Variants in MACROD2 observed in about 807,000 individuals in gnomAD.
MACROD2 encodes the protein mono-ADP ribosylhydrolase 2.
In MACROD2, 36 loss-of-function variants were observed where a neutral mutation model predicts 70.4. The observed-to-expected ratio is 0.51, with a 90% CI of 0.39 to 0.68. The LOEUF (loss-of-function observed/expected upper bound fraction) is 0.68. Ranked by LOEUF, MACROD2 falls within the 30% of genes least tolerant of loss-of-function variation. The pLI is 0.00. For missense variants in MACROD2, 496 were observed against 538.4 expected (o/e 0.92, Z 0.78); for synonymous variants, 172 against 178.8 (o/e 0.96, Z 0.30).
chr20:15,975,689 A>G (rs974530208), intron 13 of MACROD2, among the ~76,000 whole-genome samples: 2 of 152,212 alleles, frequency 1.3e-5, no homozygotes, highest in African/African-American at 4.8e-5. Context: ...TACAAGAGAA[A>G]TATGACAACT....
intron 8 of MACROD2, among the ~76,000 whole-genome samples, chr20:15,579,223 A>G (rs930950734): frequency 6.6e-6 from 1 of 152,176 alleles, no homozygotes. Flanking sequence ...CTGCTTTGAA[A>G]TGAGTTATTG....
intron 6 of MACROD2, among the ~76,000 whole-genome samples, chr20:15,265,756 T>C (rs1026484400): frequency 6.6e-6 from 1 of 152,222 alleles, no homozygotes; most frequent in African/African-American, 2.4e-5. Flanking sequence ...CACACAGATA[T>C]TGCTCTGTTT....
At position 15,264,710 on chromosome 20, in the gene MACROD2, A is replaced by ATACTTTTAGTATCTCCTCT. The variant is rs571254797; in HGVS notation, c.540+34649_540+34650insTACTTTTAGTATCTCCTCT. Among the ~76,000 whole-genome samples, 1,069 of 152,084 alleles carry ATACTTTTAGTATCTCCTCT rather than the reference A, an allele frequency of 7.0e-3. 6 individuals carry two copies. Among genetic ancestry groups the ATACTTTTAGTATCTCCTCT allele is most frequent in the Non-Finnish European group, 7.4e-3 (503 of 67,966 alleles). On this transcript the variant is annotated intron_variant, in intron 6 of 17. Coordinates refer to ENST00000684519, the MANE Select transcript of MACROD2 (RefSeq NM_001351661.2). ...TGAGCACAGTATCCTGGGCATGGAG[A>ATACTTTTAGTATCTCCTCT]CCTTTTAGTCTCCTCTCCTGCCACA... is the stretch of plus-strand genomic sequence containing the variant.
intron 5 of MACROD2, among the ~76,000 whole-genome samples, chr20:14,906,623 T>A (rs538327016): frequency 1.3e-5 from 2 of 152,316 alleles, no homozygotes; most frequent in South Asian, 4.1e-4. Flanking sequence ...ACTAAGACAA[T>A]TAAATTTTTT....
chr20:14,265,508 A>AT (rs953524424), intron 3 of MACROD2, among the ~76,000 whole-genome samples: 1 of 151,786 alleles, frequency 6.6e-6, no homozygotes, highest in Admixed American at 6.6e-5. Context: ...TTTTTTTCAC[A>AT]TTTTTTACAA....
chr20:15,640,310 G>A (rs1182379322), intron 8 of MACROD2, among the ~76,000 whole-genome samples: 1 of 152,124 alleles, frequency 6.6e-6, no homozygotes, highest in Non-Finnish European at 1.5e-5. Context: ...GATAGAGAGA[G>A]AAGTGGATAG....
intron 6 of MACROD2, among the ~76,000 whole-genome samples, chr20:15,286,850 C>T (rs1423068367): frequency 6.6e-6 from 1 of 151,972 alleles, no homozygotes; most frequent in Non-Finnish European, 1.5e-5. Context: ...TTATATTTTT[C>T]TTGGTAAATT....
intron 2 of MACROD2, among the ~76,000 whole-genome samples, chr20:14,014,505 A>G (rs373961646): frequency 6.8e-4 from 104 of 152,334 alleles, no homozygotes; most frequent in African/African-American, 2.4e-3. Flanking sequence ...ATGAAAACCT[A>G]TGAAGATTTT....
rs545915377 is a variant in MACROD2 at position 16,032,532 on chromosome 20, G to T, written c.1154-8669G>T. On this transcript the variant is annotated intron_variant, in intron 15 of 17. Coordinates refer to ENST00000684519, the MANE Select transcript of MACROD2 (RefSeq NM_001351661.2). Reference sequence around the variant, plus strand: ...TCAAGGAAGAAAGGAAGAAAGAGGGGAGGGAAGGAGAAAGAAGGGAGGCAG... The same window carrying T: ...TCAAGGAAGAAAGGAAGAAAGAGGGTAGGGAAGGAGAAAGAAGGGAGGCAG... 2.6e-5 allele frequency among the ~76,000 whole-genome samples: 4 copies of T among 151,792 alleles called. No homozygotes were observed. The East Asian group carries it at 7.8e-4, about 29-fold the overall frequency.
chr20:15,581,777 G>A (rs560914695), intron 8 of MACROD2, among the ~76,000 whole-genome samples: 1 of 152,338 alleles, frequency 6.6e-6, no homozygotes, highest in South Asian at 2.1e-4. Context: ...CAGCTCTGCA[G>A]TTGCTGAGCT....
At chr20:15,535,716 C>T (rs986605156) in intron 8 of MACROD2, among the ~76,000 whole-genome samples, 17 of 152,134 alleles carry the variant, frequency 1.1e-4, no homozygotes, top group African/African-American at 2.4e-4. Flanking sequence ...TTTCCAATCC[C>T]GCGTCTCCCA....
intron 7 of MACROD2, among the ~76,000 whole-genome samples, chr20:15,494,750 TGTGTGTGTGTGTGCGC>T (rs1351131825): frequency 3.6e-5 from 3 of 83,178 alleles, no homozygotes; most frequent in East Asian, 7.7e-4. Flanking sequence ...TGTGTGTGTG[TGTGTGTGTGTGTGCGC>T]GTGTGTGTGT....
At chr20:16,015,176 A>G (rs1176258703) in intron 15 of MACROD2, among the ~76,000 whole-genome samples, 4 of 152,224 alleles carry the variant, frequency 2.6e-5, no homozygotes, top group African/African-American at 9.6e-5. Context: ...ATATTGTTAT[A>G]AAGTAACTTA....
At chr20:15,830,035 G>A (rs1482405738) in intron 8 of MACROD2, among the ~76,000 whole-genome samples, 1 of 152,170 alleles carries the variant, frequency 6.6e-6, no homozygotes, top group Non-Finnish European at 1.5e-5. Flanking sequence ...ACAGAACGGA[G>A]GACGGGTTTG....
At chr20:15,077,349 G>A (rs1306756351) in intron 5 of MACROD2, among the ~76,000 whole-genome samples, 1 of 152,028 alleles carries the variant, frequency 6.6e-6, no homozygotes, top group Non-Finnish European at 1.5e-5. Flanking sequence ...CATGACATTA[G>A]GCGACAAAAA....
At chr20:14,924,254 C>G (rs902851565) in intron 5 of MACROD2, among the ~76,000 whole-genome samples, 4 of 146,812 alleles carry the variant, frequency 2.7e-5, no homozygotes, top group Non-Finnish European at 5.9e-5. Context: ...TGAGGCCAAG[C>G]CTGGCCAAAC....
chr20:14,807,757 T>C (rs1180401914), intron 5 of MACROD2, among the ~76,000 whole-genome samples: 2 of 151,936 alleles, frequency 1.3e-5, no homozygotes, highest in Non-Finnish European at 2.9e-5. Flanking sequence ...AATGACCTGA[T>C]GGAGATGAAA....
chr20:15,393,126 T>C (rs983941296), intron 6 of MACROD2, among the ~76,000 whole-genome samples: 3 of 152,170 alleles, frequency 2.0e-5, no homozygotes, highest in Admixed American at 1.3e-4. Context: ...TGGCAACAGG[T>C]GAATCCCATG....
chr20:15,523,247 G>C (rs1372470987), intron 8 of MACROD2, among the ~76,000 whole-genome samples: 1 of 152,250 alleles, frequency 6.6e-6, no homozygotes. Flanking sequence ...GGACGTTGCT[G>C]TATGTTTCAT....
Sources: allele counts gnomAD v4.1 joint callset (sites outside exome capture counted in the v4.1 genomes callset), GRCh38; gene constraint gnomAD v4.1.1; transcripts MANE v1.5; gene names NCBI Gene and HGNC (gene_info 2026-07-23, HGNC 2026-07-21).